Variants in CADM2 observed in about 807,000 individuals in gnomAD.
The protein encoded by CADM2 is cell adhesion molecule 2.
CADM2 carries 12 observed loss-of-function variants against 49.8 expected under a neutral mutation model. The observed-to-expected ratio is 0.24, with a 90% CI of 0.15 to 0.39. CADM2 has a LOEUF of 0.39. Among genes scored for constraint, CADM2 ranks in the 10% least tolerant of loss-of-function variants. CADM2 has a pLI of 1.00. For missense variants in CADM2, 378 were observed against 492.3 expected (o/e 0.77, Z 2.20); for synonymous variants, 214 against 175.4 (o/e 1.22, Z -1.74).
At chr3:85,041,550 T>C (rs2035442879) in intron 1 of CADM2, among the ~76,000 whole-genome samples, 1 of 152,194 alleles carries the variant, frequency 6.6e-6, no homozygotes, top group African/African-American at 2.4e-5. Context: ...CCTTTATATG[T>C]AGTGCATATG....
chr3:85,332,287 GAATA>G (rs2044950484), intron 1 of CADM2, among the ~76,000 whole-genome samples: 1 of 151,940 alleles, frequency 6.6e-6, no homozygotes. Context: ...TTCCAAATGA[GAATA>G]AATATTTTGT....
At chr3:86,041,534 A>T (rs544462623) in intron 8 of CADM2, among the ~76,000 whole-genome samples, 4 of 152,340 alleles carry the variant, frequency 2.6e-5, no homozygotes, top group South Asian at 4.1e-4. Flanking sequence ...AGAGCTAACT[A>T]TCTTAAATAT....
At chr3:85,491,811 G>T (rs1266544108) in intron 1 of CADM2, among the ~76,000 whole-genome samples, 1 of 152,024 alleles carries the variant, frequency 6.6e-6, no homozygotes, top group Non-Finnish European at 1.5e-5. Flanking sequence ...AAATAGCCGG[G>T]TGTGGTGGCA....
At chr3:85,318,547 C>G (rs1270243486) in intron 1 of CADM2, among the ~76,000 whole-genome samples, 1 of 151,974 alleles carries the variant, frequency 6.6e-6, no homozygotes, top group African/African-American at 2.4e-5. Flanking sequence ...GATAGATTAC[C>G]TACAAAGAAA....
chr3:85,027,321 A>G (rs1175401962), intron 1 of CADM2, among the ~76,000 whole-genome samples: 4 of 151,384 alleles, frequency 2.6e-5, no homozygotes. Context: ...TCACCGTGTT[A>G]GCCAGGATGG....
At chr3:85,163,880 A>C (rs951225033) in intron 1 of CADM2, among the ~76,000 whole-genome samples, 10 of 152,030 alleles carry the variant, frequency 6.6e-5, no homozygotes, top group Non-Finnish European at 5.9e-5. Context: ...GAACATTTTA[A>C]TCACTCAGGA....
intron 2 of CADM2, among the ~76,000 whole-genome samples, chr3:85,763,827 A>C (rs977472458): frequency 2.6e-5 from 4 of 152,064 alleles, no homozygotes; most frequent in Admixed American, 6.6e-5. Context: ...AAAGAGTGTT[A>C]GATTTGTTTT....
At chr3:85,957,155 A>G (rs1724168418) in intron 7 of CADM2, among the ~76,000 whole-genome samples, 1 of 151,728 alleles carries the variant, frequency 6.6e-6, no homozygotes, top group African/African-American at 2.4e-5. Context: ...ATAGCACAAG[A>G]CAATCTAGCC....
intron 1 of CADM2, among the ~76,000 whole-genome samples, chr3:85,691,148 G>A (rs968122323): frequency 1.3e-5 from 2 of 151,942 alleles, no homozygotes; most frequent in African/African-American, 4.8e-5. Flanking sequence ...GACTTCTTTA[G>A]ACTCCACATA....
At chr3:85,172,549 A>G (rs1048818765) in intron 1 of CADM2, among the ~76,000 whole-genome samples, 10 of 152,116 alleles carry the variant, frequency 6.6e-5, no homozygotes, top group Non-Finnish European at 1.3e-4. Context: ...AGCTAGGGCA[A>G]CAATGTGAGC....
chr3:86,031,686 G>A (rs1451523522), intron 8 of CADM2, among the ~76,000 whole-genome samples: 5 of 151,560 alleles, frequency 3.3e-5, no homozygotes, highest in East Asian at 3.9e-4. Context: ...TTTTATTTTC[G>A]GAATGAAAGG....
chr3:85,925,120 A>AAT (rs1204707005), intron 6 of CADM2, among the ~76,000 whole-genome samples: 1 of 149,686 alleles, frequency 6.7e-6, no homozygotes, highest in Non-Finnish European at 1.5e-5. Flanking sequence ...TTTTCTAAGT[A>AAT]ATCTTCTTTG....
chr3:85,260,512 G>T (rs2042992552), intron 1 of CADM2, among the ~76,000 whole-genome samples: 1 of 152,104 alleles, frequency 6.6e-6, no homozygotes. Context: ...ATTTGAATTT[G>T]TAAGTAATTG....
intron 2 of CADM2, among the ~76,000 whole-genome samples, chr3:85,742,261 C>A (rs896825488): frequency 6.6e-6 from 1 of 152,138 alleles, no homozygotes; most frequent in Non-Finnish European, 1.5e-5. Flanking sequence ...GAGAGGTATT[C>A]TGTTACATTC....
rs967632774 is a variant in CADM2, at chr3:85,134,197, G to A, written c.61+174529G>A. On this transcript the variant is annotated intron_variant, in intron 1 of 9. Transcript: ENST00000383699. ...CCCACGCCCACCCGGAACTCCAGCTGGCCCGCAAGCGCCGCGCGCAGCCCC... is the reference window on the plus strand; with the variant it reads ...CCCACGCCCACCCGGAACTCCAGCTAGCCCGCAAGCGCCGCGCGCAGCCCC... 2.0e-5 allele frequency among the ~76,000 whole-genome samples: 3 copies of A among 152,218 alleles called. No individual in the cohort carries two copies. The South Asian group carries it at 6.2e-4, about 31-fold the overall frequency.
At chr3:85,288,471 A>G (rs1397180993) in intron 1 of CADM2, among the ~76,000 whole-genome samples, 1 of 152,098 alleles carries the variant, frequency 6.6e-6, no homozygotes, top group Non-Finnish European at 1.5e-5. Flanking sequence ...ATGTGTGACA[A>G]GGTAAGCACT....
chr3:85,792,972 C>G (rs756273731), intron 2 of CADM2, among the ~76,000 whole-genome samples: 12 of 152,002 alleles, frequency 7.9e-5, no homozygotes, highest in Non-Finnish European at 1.6e-4. Context: ...GGTGGTTAGA[C>G]AGTGAAGGCA....
In CADM2 at chr3:85,297,782, C is replaced by CTTAT. The variant is rs1487803951; in HGVS notation, c.61+338125_61+338128dup. 3.3e-5 allele frequency among the ~76,000 whole-genome samples: 5 copies of CTTAT among 152,074 alleles called. No individual in the cohort carries two copies. In the East Asian group the frequency reaches 9.7e-4, roughly 30 times the overall value. On this transcript the variant is annotated intron_variant, in intron 1 of 9. Transcript: ENST00000383699. The stretch of plus-strand genomic sequence containing the variant: ...TTAGCACCAATTTCCACCACAAAAA[C>CTTAT]TTATTTATTTATTTGCATAATTTTG...
At chr3:85,214,164 G>A (rs1458732954) in intron 1 of CADM2, among the ~76,000 whole-genome samples, 1 of 151,980 alleles carries the variant, frequency 6.6e-6, no homozygotes, top group Non-Finnish European at 1.5e-5. Context: ...CCCAGGCCCA[G>A]TAATGCTGTG....
Sources: allele counts gnomAD v4.1 joint callset (sites outside exome capture counted in the v4.1 genomes callset), GRCh38; gene constraint gnomAD v4.1.1; transcripts MANE v1.5; gene names NCBI Gene and HGNC (gene_info 2026-07-23, HGNC 2026-07-21).